SNAPC3: variants seen among roughly 807,000 people sequenced by gnomAD.
SNAPC3 encodes the protein small nuclear RNA activating complex polypeptide 3.
A neutral mutation model predicts 47.7 loss-of-function variants in SNAPC3; 56 were observed. The ratio of observed to expected loss-of-function variants is 1.18; its 90% CI spans 0.95 to 1.47. The LOEUF is 1.47. SNAPC3 is among the 40% of genes most tolerant of loss of function. The pLI is 0.00. For synonymous variants in SNAPC3, 235 were observed against 189.9 expected, an observed-to-expected ratio of 1.24 and a Z score of -1.95; for missense variants, 665 against 511.3, an observed-to-expected ratio of 1.30 and a Z score of -2.90.
Position 15,447,718 on chromosome 9 carries a change from A to G in SNAPC3, c.732+474A>G, listed in dbSNP as rs538470208. 1.4e-4 allele frequency among the ~76,000 whole-genome samples: 21 copies of G among 152,162 alleles called. 1 individual carries two copies. In the South Asian group the frequency reaches 4.4e-3, roughly 32 times the overall value. On this transcript the variant is annotated intron_variant, in intron 5 of 8. Transcript: ENST00000380821. ...CGTTTGAAGCTCTGTCAGAGTTGTGATCTGTCATGATTGTGCCCAGCAAAA... is the reference window on the plus strand; with the variant it reads ...CGTTTGAAGCTCTGTCAGAGTTGTGGTCTGTCATGATTGTGCCCAGCAAAA...
intron 3 of SNAPC3, among the ~76,000 whole-genome samples, chr9:15,435,848 T>C (rs539586746): frequency 6.7e-6 from 1 of 148,236 alleles, no homozygotes; most frequent in East Asian, 2.0e-4. Context: ...TTCTTTCTTT[T>C]TTTTTTTTTT....
At chr9:15,425,756 A>G (rs934635366) in intron 2 of SNAPC3, among the ~76,000 whole-genome samples, 1 of 152,204 alleles carries the variant, frequency 6.6e-6, no homozygotes. Flanking sequence ...TAAAATGCAC[A>G]TCTGATTGTC....
intron 3 of SNAPC3, among the ~76,000 whole-genome samples, chr9:15,435,781 A>G (rs557127019): frequency 1.3e-5 from 2 of 149,940 alleles, no homozygotes; most frequent in Non-Finnish European, 3.0e-5. Context: ...GACCCTTACC[A>G]TATAAGTAAT....
At chr9:15,447,712 G>T (rs1390275313) in intron 5 of SNAPC3, among the ~76,000 whole-genome samples, 1 of 152,120 alleles carries the variant, frequency 6.6e-6, no homozygotes, top group Admixed American at 6.5e-5. Context: ...CTCTGTCAGA[G>T]TTGTGATCTG....
intron 6 of SNAPC3, among the ~76,000 whole-genome samples, chr9:15,452,020 G>A (rs916599987): frequency 6.6e-6 from 1 of 151,980 alleles, no homozygotes; most frequent in Admixed American, 6.6e-5. Flanking sequence ...CTGGAGTATG[G>A]TGGCACGATC....
downstream of SNAPC3, chr9:15,465,643 A>T (rs2035573693): frequency 7.5e-7 from 1 of 1,324,802 alleles, no homozygotes; most frequent in Non-Finnish European, 1.1e-6. Context: ...GGAAAAAAAG[A>T]CATTAAGTCT....
downstream of SNAPC3, chr9:15,463,010 C>T (rs1587437539): frequency 6.6e-6 from 1 of 152,060 alleles, no homozygotes; most frequent in Admixed American, 6.6e-5. Flanking sequence ...TGAGTAGGAA[C>T]ACAGACAGCA....
chr9:15,455,643 A>G (rs901685143), intron 7 of SNAPC3, among the ~76,000 whole-genome samples: 1 of 152,056 alleles, frequency 6.6e-6, no homozygotes, highest in Non-Finnish European at 1.5e-5. Context: ...CCTTGTAATA[A>G]ACATAAGATG....
Position 15,432,084 on chromosome 9 carries a change from T to C in SNAPC3, c.393-1468T>C, listed in dbSNP as rs964262305. 4.6e-5 allele frequency: 7 copies of C among 152,184 alleles called. No homozygotes were observed. In the East Asian group the frequency reaches 1.3e-3, roughly 29 times the overall value. The allele number at this position is 152,184 out of a possible 1,614,324, so 9.4% of individuals were successfully genotyped here. ...TCACAGGGGTATAGGTTAGCAATTC[T>C]GTAACTATTTTATGTATTTACTAGA... On this transcript the variant is annotated intron_variant, in intron 2 of 8. Coordinates refer to ENST00000380821, the MANE Select transcript of SNAPC3 (RefSeq NM_001039697.2).
chr9:15,449,070 A>G (rs2034162719), intron 5 of SNAPC3, among the ~76,000 whole-genome samples: 2 of 152,100 alleles, frequency 1.3e-5, no homozygotes, highest in Non-Finnish European at 2.9e-5. Context: ...TCAGCCTCCT[A>G]AAGTGCTGGG....
At position 15,427,277 on chromosome 9, in the gene SNAPC3, G is replaced by A. The variant is rs974303278; in HGVS notation, c.392+3291G>A. Among the ~76,000 whole-genome samples, 2 of 152,208 alleles carry A rather than the reference G, an allele frequency of 1.3e-5. 1 individual carries two copies. The highest frequency in any genetic ancestry group is 1.3e-4 in the Admixed American group (2 of 15,282). ...ATTCCTAGGAATAGGAGAGATAATT[G>A]TTAATACATGGGTGCTGCTAAAACT... On this transcript the variant is annotated intron_variant, in intron 2 of 8. Transcript: ENST00000380821.
chr9:15,454,313 C>T (rs1587387880), intron 7 of SNAPC3, among the ~76,000 whole-genome samples: 1 of 152,206 alleles, frequency 6.6e-6, no homozygotes, highest in Non-Finnish European at 1.5e-5. Context: ...GACTCTTCTC[C>T]AAAATTTTGT....
At chr9:15,438,623 C>T (rs1221372835) in intron 3 of SNAPC3, among the ~76,000 whole-genome samples, 1 of 152,192 alleles carries the variant, frequency 6.6e-6, no homozygotes. Context: ...CCTAAGTTTC[C>T]TATGCTGTGA....
intron 3 of SNAPC3, among the ~76,000 whole-genome samples, chr9:15,440,472 G>A (rs1450170177): frequency 1.3e-5 from 2 of 150,916 alleles, no homozygotes; most frequent in African/African-American, 2.5e-5. Flanking sequence ...TGGCTGACAG[G>A]TTTTGTTTTT....
At position 15,433,972 on chromosome 9, in the gene SNAPC3, A is replaced by G. The variant is rs571061508; in HGVS notation, c.477+336A>G. On this transcript the variant is annotated intron_variant, in intron 3 of 8. Transcript: ENST00000380821. ...TTAACCACATTCTCAATCCTCATCT[A>G]TTATCTCTTGTGTAAAACTTTGGGA... 4.9e-5 allele frequency: 9 copies of G among 183,376 alleles called. No homozygotes were observed. The South Asian group carries it at 1.3e-3, about 26-fold the overall frequency. 11.4% of individuals were successfully genotyped at this position (183,376 alleles called of 1,614,324 possible).
intron 3 of SNAPC3, among the ~76,000 whole-genome samples, chr9:15,436,397 A>G (rs1434446067): frequency 6.6e-6 from 1 of 152,184 alleles, no homozygotes. Flanking sequence ...ATTCTTTTGC[A>G]TATAGCTGTC....
In SNAPC3 at chr9:15,423,171, G is replaced by T. The variant is rs1197149744; in HGVS notation, c.292G>T (p.Ala98Ser). 1.3e-6 allele frequency: 2 copies of T among 1,575,964 alleles called. No homozygotes were observed. Among genetic ancestry groups the T allele is most frequent in the East Asian group, 4.6e-5 (2 of 43,430 alleles). Residue 98 changes from alanine to serine, a missense_variant, in exon 1 of 9, where the codon GCT (alanine) becomes TCT (serine). Transcript: ENST00000380821. ...RDLDCSLEAAAELRAVCGLDK... is the reference protein window; with the variant it reads ...RDLDCSLEAASELRAVCGLDK... ...TCTGGACTGCAGCCTGGAGGCGGCG[G>T]CTGAGCTGAGGGCGGTGTGCGGGTG...
chr9:15,447,025 A>G, intron 4 of SNAPC3, 70 bp from the exon 5 acceptor site: 1 of 1,272,094 alleles, frequency 7.9e-7, no homozygotes. Flanking sequence ...ATTTTGATCT[A>G]GTCATGACAG....
intron 2 of SNAPC3, among the ~76,000 whole-genome samples, chr9:15,425,508 A>C (rs2031251893): frequency 6.6e-6 from 1 of 152,136 alleles, no homozygotes; most frequent in Non-Finnish European, 1.5e-5. Flanking sequence ...GTGAGCCGCC[A>C]CACCTTGCCC....
Sources: gnomAD v4.1 joint callset for allele counts (sites outside exome capture counted in the v4.1 genomes callset) on GRCh38, gnomAD v4.1.1 for gene constraint, MANE v1.5 for transcripts, NCBI Gene and HGNC (gene_info 2026-07-23, HGNC 2026-07-21) for gene names.